The following SPAG17 variants were observed in gnomAD, a reference collection of about 807,000 sequenced individuals.
SPAG17 encodes sperm associated antigen 17.
A neutral mutation model predicts 273.6 loss-of-function variants in SPAG17; 169 were observed. That is an observed-to-expected ratio of 0.62 (90% confidence interval 0.55 to 0.70). SPAG17 has a LOEUF of 0.70. Among genes scored for constraint, SPAG17 ranks in the 30% least tolerant of loss-of-function variants. The pLI is 0.00. For missense variants in SPAG17, 2,557 were observed against 2,627.8 expected (o/e 0.97, Z 0.59); for synonymous variants, 825 against 873.2 (o/e 0.94, Z 0.97).
rs192550269 is a variant in SPAG17 at position 118,127,547 on chromosome 1, C to G, written c.316-12106G>C. 9.2e-4 allele frequency among the ~76,000 whole-genome samples: 140 copies of G among 152,342 alleles called. 1 individual carries two copies. The highest frequency in any genetic ancestry group is 3.3e-3 in the African/African-American group (136 of 41,578). ...GGAATTCAACCCCATGATCCAAACA[C>G]CTCTCACCAGGCCCTGCCTCCAACA... On this transcript the variant is annotated intron_variant, in intron 3 of 48. Transcript: ENST00000336338.
chr1:117,962,019 A>G, intron 48 of SPAG17: 1 of 151,712 alleles, frequency 6.6e-6, no homozygotes, highest in East Asian at 1.9e-4. Context: ...TGGTTTCCAA[A>G]CCAAAACAAG....
rs1649320980 is a variant in SPAG17 at position 118,038,261 on chromosome 1, A to G, written c.3319+1031T>C. On this transcript the variant is annotated intron_variant, in intron 23 of 48. Transcript: ENST00000336338. The stretch of plus-strand genomic sequence containing the variant: ...CTAGACACCTTATAGAATGGAGAAA[A>G]TCTAAAACAGAAAATAATGGTGAGG... Among the ~76,000 whole-genome samples the G allele has an allele frequency of 2.0e-5, 3 of 152,206 alleles. 1 individual carries two copies. The South Asian group carries it at 6.2e-4, about 31-fold the overall frequency.
At chr1:118,014,445 C>A (rs1187521104) in intron 29 of SPAG17, among the ~76,000 whole-genome samples, 1 of 151,756 alleles carries the variant, frequency 6.6e-6, no homozygotes, top group Non-Finnish European at 1.5e-5. Context: ...CCTCAGGGGC[C>A]GAATTAAAGT....
intron 8 of SPAG17, among the ~76,000 whole-genome samples, chr1:118,092,613 C>G (rs1206498619): frequency 6.6e-6 from 1 of 152,190 alleles, no homozygotes; most frequent in East Asian, 1.9e-4. Context: ...ACTTCATACT[C>G]ATCTTTCCCC....
At chr1:118,125,910 A>C (rs1657694349) in intron 3 of SPAG17, among the ~76,000 whole-genome samples, 1 of 152,124 alleles carries the variant, frequency 6.6e-6, no homozygotes, top group Non-Finnish European at 1.5e-5. Flanking sequence ...GGTGGATCAT[A>C]TAGTAGTTCT....
chr1:118,135,882 T>C (rs1326007945), intron 3 of SPAG17, among the ~76,000 whole-genome samples: 1 of 152,230 alleles, frequency 6.6e-6, no homozygotes, highest in African/African-American at 2.4e-5. Flanking sequence ...TGTCAGCTCC[T>C]TGACTGCAGG....
intron 32 of SPAG17, among the ~76,000 whole-genome samples, chr1:118,001,037 G>A (rs1658225048): frequency 6.6e-6 from 1 of 152,164 alleles, no homozygotes; most frequent in Non-Finnish European, 1.5e-5. Flanking sequence ...ATGAAGTGCT[G>A]TTGAATTTTG....
intron 15 of SPAG17, among the ~76,000 whole-genome samples, chr1:118,077,826 G>A (rs546933750): frequency 6.6e-6 from 1 of 152,200 alleles, no homozygotes; most frequent in South Asian, 2.1e-4. Context: ...ATGAGACTAG[G>A]AGCATGGCTA....
intron 25 of SPAG17, 86 bp from the exon 26 acceptor site, chr1:118,028,480 T>C (rs909081916): frequency 1.2e-4 from 188 of 1,539,426 alleles, no homozygotes; most frequent in Admixed American, 1.6e-4. Flanking sequence ...ATATGCTGAG[T>C]GCTCAGGACA....
In SPAG17 at chr1:117,992,829, G is replaced by A. The variant is rs148123906; in HGVS notation, c.5179-181C>T. Among the ~76,000 whole-genome samples, 53 of 152,140 alleles carry A rather than the reference G, an allele frequency of 3.5e-4. 1 individual carries two copies. The East Asian group carries it at 9.7e-3, about 28-fold the overall frequency. On this transcript the variant is annotated intron_variant, in intron 35 of 48. Coordinates refer to ENST00000336338, the MANE Select transcript of SPAG17 (RefSeq NM_206996.4). ...TATAAGGAAAATCGATAACAGAACT[G>A]GGCCTGCTTTCCTCTTTATTTATGT...
chr1:118,171,254 CTTACTG>C (rs1660404200), intron 1 of SPAG17, among the ~76,000 whole-genome samples: 1 of 152,048 alleles, frequency 6.6e-6, no homozygotes, highest in Non-Finnish European at 1.5e-5. Context: ...ATTGTCACAA[CTTACTG>C]TTAAGGAGGA....
chr1:118,148,056 C>T (rs545765995), intron 3 of SPAG17, among the ~76,000 whole-genome samples: 30 of 152,250 alleles, frequency 2.0e-4, no homozygotes, highest in Non-Finnish European at 3.7e-4. Context: ...TCGTGAGTTC[C>T]TTATCTCCAA....
At chr1:118,063,779 A>G (rs999398098) in intron 18 of SPAG17, among the ~76,000 whole-genome samples, 1 of 152,210 alleles carries the variant, frequency 6.6e-6, no homozygotes, top group African/African-American at 2.4e-5. Context: ...AAAAGAAACT[A>G]CCATCAGAGT....
chr1:117,976,276 T>C (rs147223366), intron 43 of SPAG17, among the ~76,000 whole-genome samples: 131 of 152,352 alleles, frequency 8.6e-4, no homozygotes, highest in South Asian at 1.9e-3. Context: ...GGTCCTTTAG[T>C]ATTTGAACAA....
At chr1:118,153,806 C>T (rs1264900796) in intron 1 of SPAG17, among the ~76,000 whole-genome samples, 1 of 151,928 alleles carries the variant, frequency 6.6e-6, no homozygotes, top group East Asian at 1.9e-4. Flanking sequence ...GATCGCACCA[C>T]TGCACTCCAG....
At chr1:118,019,192 T>G (rs1181276156) in intron 28 of SPAG17, among the ~76,000 whole-genome samples, 1 of 151,614 alleles carries the variant, frequency 6.6e-6, no homozygotes, top group South Asian at 2.1e-4. Flanking sequence ...TGGAATTAGA[T>G]CTATAATACT....
intron 46 of SPAG17, 49 bp from the exon 47 acceptor site, chr1:117,966,802 C>G: frequency 6.7e-7 from 1 of 1,496,692 alleles, no homozygotes; most frequent in Non-Finnish European, 9.0e-7. Context: ...GAGTTCAAAC[C>G]TTGCTTTTAA....
At chr1:118,039,682 G>T (rs766445311) in intron 22 of SPAG17, among the ~76,000 whole-genome samples, 1 of 152,052 alleles carries the variant, frequency 6.6e-6, no homozygotes, top group South Asian at 2.1e-4. Flanking sequence ...ACTACCTGCC[G>T]AGTACTCTGT....
chr1:118,107,692 C>T (rs1488417958), intron 4 of SPAG17, among the ~76,000 whole-genome samples: 1 of 151,922 alleles, frequency 6.6e-6, no homozygotes, highest in African/African-American at 2.4e-5. Flanking sequence ...CTTATAAATC[C>T]TTATTTACTT....
Sources: allele counts gnomAD v4.1 joint callset (sites outside exome capture counted in the v4.1 genomes callset), GRCh38; gene constraint gnomAD v4.1.1; transcripts MANE v1.5; gene names NCBI Gene and HGNC (gene_info 2026-07-23, HGNC 2026-07-21).